Variants in ATP11B observed in about 807,000 individuals in gnomAD.
ATP11B encodes ATPase phospholipid transporting 11B (putative), also known as phospholipid-transporting ATPase IF.
ATP11B carries 81 observed loss-of-function variants against 157.8 expected under a neutral mutation model. That is an observed-to-expected ratio of 0.51 (90% CI 0.43 to 0.62). The LOEUF is 0.62. Among genes scored for constraint, ATP11B ranks in the 20% least tolerant of loss-of-function variants. ATP11B has a pLI of 0.00. For synonymous variants in ATP11B, 451 were observed against 469.4 expected (o/e 0.96, Z 0.51); for missense variants, 1,165 against 1,402.2 (o/e 0.83, Z 2.70).
intron 28 of ATP11B, among the ~76,000 whole-genome samples, chr3:182,904,264 A>T (rs900231773): frequency 6.6e-5 from 10 of 152,160 alleles, no homozygotes; most frequent in African/African-American, 2.4e-4. Flanking sequence ...TGGTCTGTTT[A>T]TTTACCATCA....
intron 12 of ATP11B, among the ~76,000 whole-genome samples, chr3:182,864,595 A>C (rs1363142157): frequency 6.6e-6 from 1 of 152,132 alleles, no homozygotes; most frequent in Non-Finnish European, 1.5e-5. Context: ...TCAATCTTGC[A>C]ATTCTGGGAT....
In ATP11B at chr3:182,793,595, CCGCGGGATGGGGACGCGG is replaced by C; in HGVS notation, c.-158_-141del. 1 of 393,152 alleles carries C rather than the reference CCGCGGGATGGGGACGCGG, an allele frequency of 2.5e-6. No individual in the cohort carries two copies. The highest frequency in any genetic ancestry group is 9.1e-5 in the South Asian group (1 of 11,032). 24.4% of individuals were successfully genotyped at this position (393,152 alleles called of 1,614,324 possible). The stretch of plus-strand genomic sequence containing the variant: ...GCGCCTGTAGGACTCGGGGCCGACG[CCGCGGGATGGGGACGCGG>C]CGCGGGGAGTGAGGCAGTGGCGGCG... On this transcript the variant is annotated 5_prime_UTR_variant, in exon 1 of 30. An upstream start codon of the reference 5' UTR is lost. Coordinates refer to ENST00000323116, the MANE Select transcript of ATP11B (RefSeq NM_014616.3).
At chr3:182,817,409 T>A (rs1345673647) in intron 1 of ATP11B, among the ~76,000 whole-genome samples, 1 of 152,026 alleles carries the variant, frequency 6.6e-6, no homozygotes, top group Non-Finnish European at 1.5e-5. Flanking sequence ...GCCTCCCAAA[T>A]AGCTGGGACT....
At chr3:182,820,170 A>T (rs1717239298) in intron 1 of ATP11B, 90 bp from the exon 2 acceptor site, 1 of 853,034 alleles carries the variant, frequency 1.2e-6, no homozygotes, top group Admixed American at 1.9e-5. Context: ...TAATATATGT[A>T]ATCTGACCAG....
At position 182,820,304 on chromosome 3, in the gene ATP11B, A is replaced by G. The variant is rs1292739828; in HGVS notation, c.72A>G (p.Val24=). 5 of 1,614,050 alleles carry G rather than the reference A, an allele frequency of 3.1e-6. No individual in the cohort carries two copies. In the East Asian group the frequency reaches 8.9e-5, roughly 29 times the overall value. Residue 24 remains valine, a synonymous_variant, in exon 2 of 30, where the codon GTA becomes GTG. Coordinates refer to ENST00000323116, the MANE Select transcript of ATP11B (RefSeq NM_014616.3). The part of the protein sequence containing the change: ...PHQSDTRTIY[V]ANRFPQNGLY... Reference sequence around the variant, plus strand: ...AGAGTGACACAAGAACCATCTACGTAGCCAACAGGTTTCCTCAGAATGGCC... The same window carrying G: ...AGAGTGACACAAGAACCATCTACGTGGCCAACAGGTTTCCTCAGAATGGCC...
intron 2 of ATP11B, among the ~76,000 whole-genome samples, chr3:182,821,422 A>G (rs1717339548): frequency 6.6e-6 from 1 of 152,142 alleles, no homozygotes; most frequent in Non-Finnish European, 1.5e-5. Context: ...TTGGAATTTA[A>G]ACTCAGTTCT....
At chr3:182,877,570 AGGTTAAGGC>A (rs1168060300) in intron 19 of ATP11B, among the ~76,000 whole-genome samples, 2 of 152,018 alleles carry the variant, frequency 1.3e-5, no homozygotes, top group African/African-American at 4.8e-5. Flanking sequence ...TGAATCAGGG[AGGTTAAGGC>A]TGTGGTGAGT....
rs534593245 is a variant in ATP11B at position 182,863,433 on chromosome 3, G to T, written c.1201-2023G>T. Among the ~76,000 whole-genome samples, 10 of 151,912 alleles carry T rather than the reference G, an allele frequency of 6.6e-5. 1 individual carries two copies. The highest frequency in any genetic ancestry group is 6.6e-4 in the Admixed American group (10 of 15,254). ...TTTCCTGGAACCTCACATTGTGTAT[G>T]CATACTCATGTCTGCTTTGTCTTTA... is the stretch of plus-strand genomic sequence containing the variant. On this transcript the variant is annotated intron_variant, in intron 12 of 29. Transcript: ENST00000323116.
rs772419308 is a variant in ATP11B at position 182,820,255 on chromosome 3, C to G, written c.28-5C>G. ...TTTCTTTTTCTCTTGCTTGATTGGT[C>G]TTAGGGTTTTGACCCACCACATCAG... On this transcript the variant is annotated splice_polypyrimidine_tract_variant and splice_region_variant and intron_variant, in intron 1 of 29. Coordinates refer to ENST00000323116, the MANE Select transcript of ATP11B (RefSeq NM_014616.3). 13 of 1,598,660 alleles carry G rather than the reference C, an allele frequency of 8.1e-6. No homozygotes were observed. The highest frequency in any genetic ancestry group is 1.1e-5 in the Non-Finnish European group (13 of 1,166,040).
chr3:182,867,538 G>A, intron 15 of ATP11B, 94 bp downstream of exon 15: 1 of 666,746 alleles, frequency 1.5e-6, no homozygotes, highest in South Asian at 2.2e-5. Flanking sequence ...GGCAAATGTG[G>A]CCTATATTTT....
At chr3:182,909,281 T>C (rs1365008717) in intron 28 of ATP11B, among the ~76,000 whole-genome samples, 2 of 152,236 alleles carry the variant, frequency 1.3e-5, no homozygotes, top group East Asian at 1.9e-4. Flanking sequence ...ATTTTTATTA[T>C]CTGTGCATAG....
At chr3:182,880,729 C>CA (rs1326409568) in intron 20 of ATP11B, 150 bp from the exon 21 acceptor site, 2 of 414,092 alleles carry the variant, frequency 4.8e-6, no homozygotes, top group Non-Finnish European at 4.3e-6. Context: ...GAGATACCCT[C>CA]AAAAAAATGA....
At chr3:182,857,222 T>C (rs1008303680) in intron 10 of ATP11B, among the ~76,000 whole-genome samples, 2 of 152,214 alleles carry the variant, frequency 1.3e-5, no homozygotes, top group African/African-American at 4.8e-5. Context: ...CTCGCCTCAC[T>C]GCAAGCTCTG....
chr3:182,828,894 G>A (rs1050563857), intron 3 of ATP11B, among the ~76,000 whole-genome samples: 6 of 152,060 alleles, frequency 3.9e-5, no homozygotes, highest in Non-Finnish European at 8.8e-5. Context: ...GGCAATTTCA[G>A]TGTAGCATCA....
At chr3:182,912,247 C>T (rs1724845178) in intron 28 of ATP11B, among the ~76,000 whole-genome samples, 1 of 152,126 alleles carries the variant, frequency 6.6e-6, no homozygotes, top group Non-Finnish European at 1.5e-5. Flanking sequence ...GAATGATCCT[C>T]CTGGTGTTGC....
At chr3:182,855,954 C>T (rs951060534) in intron 10 of ATP11B, among the ~76,000 whole-genome samples, 1 of 152,114 alleles carries the variant, frequency 6.6e-6, no homozygotes, top group Non-Finnish European at 1.5e-5. Context: ...ATAGTATACC[C>T]ACTCTGGAAG....
At chr3:182,808,203 C>T (rs928153124) in intron 1 of ATP11B, among the ~76,000 whole-genome samples, 1 of 152,164 alleles carries the variant, frequency 6.6e-6, no homozygotes, top group African/African-American at 2.4e-5. Context: ...CTCCACTATG[C>T]TCTTTAAGGT....
In ATP11B at chr3:182,869,297, A is replaced by G; in HGVS notation, c.1832A>G (p.Glu611Gly). 6.2e-7 allele frequency: 1 copy of G among 1,607,972 alleles called. No individual in the cohort carries two copies. The highest frequency in any genetic ancestry group is 8.5e-7 in the Non-Finnish European group (1 of 1,177,538). Residue 611 changes from glutamate (E) to glycine (G), a missense_variant, in exon 17 of 30, where the codon GAA becomes GGA. Physicochemically the swap from Glu to Gly is moderately conservative, Grantham distance 98. This residue lies in a region of ATP11B where 737 missense variants were observed against 930.5 expected (regional missense o/e 0.79). Transcript: ENST00000323116. ...ILPKCIGGEI[E>G]KTRIHVDEFA... is the part of the protein sequence containing the mutation. ...CCTAAATGTATAGGTGGAGAAATAG[A>G]AAAAACCAGAATTCATGTAGATGAA...
At chr3:182,901,799 A>G (rs1377382748) in intron 28 of ATP11B, among the ~76,000 whole-genome samples, 5 of 152,208 alleles carry the variant, frequency 3.3e-5, no homozygotes, top group Non-Finnish European at 5.9e-5. Flanking sequence ...GTGCTTTTAT[A>G]TATTTTGGTT....
Sources: allele counts gnomAD v4.1 joint callset (sites outside exome capture counted in the v4.1 genomes callset), GRCh38; gene constraint gnomAD v4.1.1; regional missense constraint gnomAD v4.1.1; transcripts MANE v1.5; gene names NCBI Gene and HGNC (gene_info 2026-07-23, HGNC 2026-07-21).